The following SMAD6 variants were observed in gnomAD, a reference collection of about 807,000 sequenced individuals.
SMAD6 encodes SMAD family member 6, also known as MAD homolog 6.
SMAD6 carries 103 observed loss-of-function variants against 39.4 expected under a neutral mutation model. The ratio of observed to expected loss-of-function variants is 2.62; its 90% CI spans 2.23 to 3.08. The LOEUF (loss-of-function observed/expected upper bound fraction) is 3.08. SMAD6 is among the 30% of genes most tolerant of loss of function. SMAD6 has a pLI of 0.00. For synonymous variants in SMAD6, 445 were observed against 353.3 expected (o/e 1.26, Z -2.91); for missense variants, 1,104 against 742.9 (o/e 1.49, Z -5.65).
chr15:66,726,212 G>A (rs1021953550), intron 3 of SMAD6, among the ~76,000 whole-genome samples: 1 of 152,218 alleles, frequency 6.6e-6, no homozygotes, highest in African/African-American at 2.4e-5. Context: ...CTCCCTGAGG[G>A]CAGATGTTGG....
intron 2 of SMAD6, among the ~76,000 whole-genome samples, chr15:66,715,300 A>T (rs1321897242): frequency 1.3e-5 from 2 of 151,998 alleles, no homozygotes; most frequent in Non-Finnish European, 2.9e-5. Flanking sequence ...AAAAAAAAAA[A>T]AAAGGCCAAA....
chr15:66,743,421 G>A (rs966862173), intron 3 of SMAD6, among the ~76,000 whole-genome samples: 1 of 151,116 alleles, frequency 6.6e-6, no homozygotes, highest in African/African-American at 2.4e-5. Context: ...AAAAGCTTTT[G>A]TGAGTGTAAA....
chr15:66,731,774 A>G (rs1177589499), intron 3 of SMAD6, among the ~76,000 whole-genome samples: 1 of 152,166 alleles, frequency 6.6e-6, no homozygotes, highest in African/African-American at 2.4e-5. Flanking sequence ...GGTTGAAAGT[A>G]CATATAACTT....
intron 3 of SMAD6, among the ~76,000 whole-genome samples, chr15:66,779,001 G>A (rs1894514016): frequency 6.6e-6 from 1 of 152,240 alleles, no homozygotes; most frequent in Admixed American, 6.5e-5. Context: ...CAGTGTGGGT[G>A]CTGCAGTTTC....
intron 3 of SMAD6, among the ~76,000 whole-genome samples, chr15:66,765,071 A>G (rs1894265417): frequency 6.6e-6 from 1 of 151,322 alleles, no homozygotes; most frequent in African/African-American, 2.4e-5. Flanking sequence ...CTCCCTCACC[A>G]CCCCTGAAGA....
At chr15:66,706,433 G>C (rs141237337) in intron 1 of SMAD6, 1 of 152,354 alleles carries the variant, frequency 6.6e-6, no homozygotes, top group Non-Finnish European at 1.5e-5. Context: ...TGGGAGGACC[G>C]ATGGTCCGGG....
chr15:66,749,574 C>T (rs1050709689), intron 3 of SMAD6, among the ~76,000 whole-genome samples: 4 of 152,102 alleles, frequency 2.6e-5, no homozygotes, highest in Admixed American at 1.3e-4. Context: ...GACATGATAG[C>T]TCCACTGTAC....
chr15:66,739,532 C>T lies in SMAD6; in HGVS notation c.952+23034C>T, dbSNP rs146478536. On this transcript the variant is annotated intron_variant, in intron 3 of 3. Transcript: ENST00000288840. ...TGGTGAGGGGTGCAGAAGGTGTTGG[C>T]GGAGGGGAGGGGGCACGGGGCTGGC... Among the ~76,000 whole-genome samples, 32 of 152,130 alleles carry T rather than the reference C, an allele frequency of 2.1e-4. No homozygotes were observed. The East Asian group carries it at 2.7e-3, about 13-fold the overall frequency.
intron 3 of SMAD6, among the ~76,000 whole-genome samples, chr15:66,726,736 T>C (rs2469095): frequency 0.16 from 23,680 of 152,174 alleles, 1,901 homozygotes; most frequent in South Asian, 0.2. Flanking sequence ...CCACTTGGGC[T>C]TGTTCATGTA....
At position 66,781,326 on chromosome 15, in the gene SMAD6, C is replaced by T. The variant is rs757045246; in HGVS notation, c.1282C>T (p.Arg428Cys). Residue 428 changes from arginine to cysteine, a missense_variant, in exon 4 of 4, where the codon CGC (arginine) becomes TGC (cysteine). Coordinates refer to ENST00000288840, the MANE Select transcript of SMAD6 (RefSeq NM_005585.5). ...GCCCGGCGGCCGCGCCCTGGTCGTGCGCAAGGTGCCCCCCGGCTACTCCAT... is the reference window on the plus strand; with the variant it reads ...GCCCGGCGGCCGCGCCCTGGTCGTGTGCAAGGTGCCCCCCGGCTACTCCAT... ...DAPGGRALVV[R>C]KVPPGYSIKV... 8.1e-6 allele frequency: 13 copies of T among 1,598,968 alleles called. No individual in the cohort carries two copies. The highest frequency in any genetic ancestry group is 4.5e-5 in the East Asian group (2 of 44,620).
chr15:66,711,353 C>T (rs1328561911), intron 1 of SMAD6, among the ~76,000 whole-genome samples: 2 of 152,154 alleles, frequency 1.3e-5, no homozygotes, highest in South Asian at 2.1e-4. Flanking sequence ...CATACATTAT[C>T]CCAGCAAACC....
In SMAD6 at chr15:66,703,853, G is replaced by C; in HGVS notation, c.595G>C (p.Gly199Arg). The change falls in exon 1 of 4, where the codon GGC (glycine) becomes CGC (arginine). Residue 199 changes from glycine (G) to arginine (R), a missense_variant. Physicochemically the swap from Gly to Arg is moderately radical, Grantham distance 125. Coordinates refer to ENST00000288840, the MANE Select transcript of SMAD6 (RefSeq NM_005585.5). Reference protein sequence around the residue: ...DTLLEAVESRGGVPGGCVLVP... With the variant: ...DTLLEAVESRRGVPGGCVLVP... ...GCTGCTGGAGGCGGTGGAGTCCCGCGGCGGCGTGCCGGGCGGCTGCGTGCT... is the reference window on the plus strand; with the variant it reads ...GCTGCTGGAGGCGGTGGAGTCCCGCCGCGGCGTGCCGGGCGGCTGCGTGCT... 7.4e-7 allele frequency: 1 copy of C among 1,354,436 alleles called. No homozygotes were observed. Among genetic ancestry groups the C allele is most frequent in the Non-Finnish European group, 9.6e-7 (1 of 1,042,166 alleles). The allele number at this position is 1,354,436 out of a possible 1,614,324, so 83.9% of individuals were successfully genotyped here.
At chr15:66,777,661 A>T (rs944075289) in intron 3 of SMAD6, among the ~76,000 whole-genome samples, 1 of 152,166 alleles carries the variant, frequency 6.6e-6, no homozygotes, top group Admixed American at 6.5e-5. Flanking sequence ...GGCACTGACC[A>T]GGAGCGCAGA....
At chr15:66,716,930 C>A in intron 3 of SMAD6, 1 of 1,236,458 alleles carries the variant, frequency 8.1e-7, no homozygotes, top group Non-Finnish European at 1.1e-6. Context: ...GGAATTGGAG[C>A]CGGTTGAATG....
rs202141433 is a variant in SMAD6 at position 66,780,993 on chromosome 15, G to C, written c.953-4G>C. ...ACGCGGCGGTCCCTGTGCTTGTCCCGCAGACGCCAGCATGTCTCCGGACGC... is the reference window on the plus strand; with the variant it reads ...ACGCGGCGGTCCCTGTGCTTGTCCCCCAGACGCCAGCATGTCTCCGGACGC... On this transcript the variant is annotated splice_polypyrimidine_tract_variant and splice_region_variant and intron_variant, in intron 3 of 3. Coordinates refer to ENST00000288840, the MANE Select transcript of SMAD6 (RefSeq NM_005585.5). 1 of 1,558,630 alleles carries C rather than the reference G, an allele frequency of 6.4e-7. No individual in the cohort carries two copies. The highest frequency in any genetic ancestry group is 8.6e-7 in the Non-Finnish European group (1 of 1,156,778).
chr15:66,779,739 G>A (rs1040964248), intron 3 of SMAD6, among the ~76,000 whole-genome samples: 1 of 152,254 alleles, frequency 6.6e-6, no homozygotes, highest in Non-Finnish European at 1.5e-5. Flanking sequence ...AAAGAGCCAT[G>A]AATTGCTTTG....
At chr15:66,749,258 G>A (rs1185084501) in intron 3 of SMAD6, among the ~76,000 whole-genome samples, 1 of 152,174 alleles carries the variant, frequency 6.6e-6, no homozygotes, top group East Asian at 1.9e-4. Context: ...AGGAGTTTGA[G>A]ACCAGCCTGG....
intron 3 of SMAD6, among the ~76,000 whole-genome samples, chr15:66,729,749 C>T (rs1258487449): frequency 6.6e-6 from 1 of 152,184 alleles, no homozygotes; most frequent in Non-Finnish European, 1.5e-5. Flanking sequence ...GCTTGATTCA[C>T]GACCGAGTTA....
intron 3 of SMAD6, among the ~76,000 whole-genome samples, chr15:66,749,272 A>G (rs1567106898): frequency 6.6e-6 from 1 of 152,220 alleles, no homozygotes. Context: ...AGCCTGGCCA[A>G]CATGGTGAAA....
Sources: gnomAD v4.1 joint callset for allele counts (sites outside exome capture counted in the v4.1 genomes callset) on GRCh38, gnomAD v4.1.1 for gene constraint, MANE v1.5 for transcripts, NCBI Gene and HGNC (gene_info 2026-07-23, HGNC 2026-07-21) for gene names.